Variants in ZMIZ1 observed in about 807,000 individuals in gnomAD.
ZMIZ1 encodes the protein zinc finger MIZ-type containing 1, also known as zinc finger MIZ domain-containing protein 1.
ZMIZ1 carries 17 observed loss-of-function variants against 113.9 expected under a neutral mutation model. That is an observed-to-expected ratio of 0.15 (90% confidence interval 0.10 to 0.22). The LOEUF is 0.22. Among genes scored for constraint, ZMIZ1 ranks in the 10% least tolerant of loss-of-function variants. The pLI is 1.00. For synonymous variants in ZMIZ1, 607 were observed against 603.1 expected (o/e 1.01, Z -0.09); for missense variants, 1,059 against 1,477.8 (o/e 0.72, Z 4.65).
At chr10:79,101,463 A>C (rs1212941718) in intron 1 of ZMIZ1, among the ~76,000 whole-genome samples, 1 of 152,176 alleles carries the variant, frequency 6.6e-6, no homozygotes, top group Non-Finnish European at 1.5e-5. Context: ...TAGGGGCAGC[A>C]AGTCAGCCAG....
At chr10:79,262,281 A>G (rs1435465469) in intron 7 of ZMIZ1, among the ~76,000 whole-genome samples, 1 of 152,164 alleles carries the variant, frequency 6.6e-6, no homozygotes, top group African/African-American at 2.4e-5. Context: ...CGTTGGCTCC[A>G]CCCCAGACCC....
chr10:79,311,294 T>TGGGGGGGGGG, intron 24 of ZMIZ1, 110 bp downstream of exon 24: 12 of 99,144 alleles, frequency 1.2e-4, no homozygotes, highest in East Asian at 7.6e-4. Context: ...AGGAGGTGGG[T>TGGGGGGGGGG]GGGCGGTGGG....
intron 1 of ZMIZ1, among the ~76,000 whole-genome samples, chr10:79,087,240 GA>G (rs2132211376): frequency 6.6e-6 from 1 of 152,324 alleles, no homozygotes; most frequent in African/African-American, 2.4e-5. Flanking sequence ...TGTATTAGAT[GA>G]TTTTTTGGCA....
chr10:79,215,988 C>T (rs1319417370), intron 6 of ZMIZ1, among the ~76,000 whole-genome samples, 181 bp from the exon 7 acceptor site: 1 of 152,140 alleles, frequency 6.6e-6, no homozygotes, highest in Non-Finnish European at 1.5e-5. Context: ...GGGCCTGGCA[C>T]GGAAGAGGTG....
At chr10:79,235,461 A>G (rs1430264400) in intron 7 of ZMIZ1, among the ~76,000 whole-genome samples, 1 of 152,180 alleles carries the variant, frequency 6.6e-6, no homozygotes, top group African/African-American at 2.4e-5. Context: ...ACCCTACAGC[A>G]GGCCTCAGAA....
chr10:79,077,114 G>A (rs1279187516), intron 1 of ZMIZ1, among the ~76,000 whole-genome samples: 1 of 152,154 alleles, frequency 6.6e-6, no homozygotes, highest in Non-Finnish European at 1.5e-5. Flanking sequence ...CAGCCTAGGT[G>A]AGAGCACACT....
At chr10:79,160,159 G>A (rs1255203061) in intron 3 of ZMIZ1, among the ~76,000 whole-genome samples, 3 of 152,268 alleles carry the variant, frequency 2.0e-5, no homozygotes, top group Non-Finnish European at 4.4e-5. Flanking sequence ...GACCCCAGAT[G>A]AGGGCAAACG....
intron 3 of ZMIZ1, among the ~76,000 whole-genome samples, chr10:79,156,977 G>A (rs556831982): frequency 4.0e-5 from 6 of 150,040 alleles, no homozygotes; most frequent in East Asian, 1.9e-4. Context: ...TTATGCAAGC[G>A]AAAAGAAACA....
intron 2 of ZMIZ1, among the ~76,000 whole-genome samples, chr10:79,124,220 G>A (rs576781857): frequency 6.6e-6 from 1 of 152,304 alleles, no homozygotes; most frequent in South Asian, 2.1e-4. Context: ...CCCTCTCTGA[G>A]CAGCTGTTTA....
intron 7 of ZMIZ1, among the ~76,000 whole-genome samples, chr10:79,263,718 A>G (rs1045959538): frequency 3.3e-5 from 5 of 151,952 alleles, no homozygotes; most frequent in Non-Finnish European, 7.4e-5. Context: ...TTGGACACTA[A>G]GGGTTGAGGT....
At chr10:79,093,753 T>TA (rs1843071149) in intron 1 of ZMIZ1, among the ~76,000 whole-genome samples, 1 of 152,200 alleles carries the variant, frequency 6.6e-6, no homozygotes, top group Non-Finnish European at 1.5e-5. Flanking sequence ...CCCACTACCC[T>TA]ATGCACACCC....
chr10:79,148,074 A>G (rs1470672336), intron 3 of ZMIZ1, among the ~76,000 whole-genome samples: 1 of 152,180 alleles, frequency 6.6e-6, no homozygotes, highest in Non-Finnish European at 1.5e-5. Context: ...TTTTGGGGCC[A>G]TGCTTCTGAG....
chr10:79,083,132 G>GC (rs1296003873), intron 1 of ZMIZ1, among the ~76,000 whole-genome samples: 5 of 152,252 alleles, frequency 3.3e-5, no homozygotes, highest in African/African-American at 1.2e-4. Context: ...ATGACATCAT[G>GC]CCTGAGTTAT....
intron 1 of ZMIZ1, among the ~76,000 whole-genome samples, chr10:79,074,686 A>G (rs1283059877): frequency 2.0e-5 from 3 of 152,184 alleles, no homozygotes; most frequent in Admixed American, 1.3e-4. Context: ...TGGGGCACCC[A>G]CTCCGTGTGA....
intron 4 of ZMIZ1, among the ~76,000 whole-genome samples, chr10:79,176,205 T>C (rs1846860741): frequency 6.6e-6 from 1 of 152,036 alleles, no homozygotes; most frequent in South Asian, 2.1e-4. Flanking sequence ...ATGTCATTAA[T>C]ATATGGCTAG....
chr10:79,094,856 A>G (rs913356092), intron 1 of ZMIZ1, among the ~76,000 whole-genome samples: 1 of 152,028 alleles, frequency 6.6e-6, no homozygotes, highest in African/African-American at 2.4e-5. Flanking sequence ...GGCTGAGATG[A>G]GAAGATTGCT....
intron 4 of ZMIZ1, among the ~76,000 whole-genome samples, chr10:79,199,844 C>G (rs1847996508): frequency 6.6e-6 from 1 of 152,200 alleles, no homozygotes; most frequent in Admixed American, 6.5e-5. Flanking sequence ...GCACCAAGAG[C>G]TACACATCCT....
At chr10:79,253,953 T>C (rs536107905) in intron 7 of ZMIZ1, among the ~76,000 whole-genome samples, 19 of 152,276 alleles carry the variant, frequency 1.2e-4, no homozygotes, top group African/African-American at 4.6e-4. Flanking sequence ...CACCCCACCC[T>C]TGGGGTTTTC....
chr10:79,113,807 T>C (rs147792525), intron 1 of ZMIZ1, among the ~76,000 whole-genome samples: 74 of 152,106 alleles, frequency 4.9e-4, no homozygotes, highest in African/African-American at 1.8e-3. Flanking sequence ...TCTCCATTGA[T>C]GGCTCCTATC....
Sources: allele counts gnomAD v4.1 joint callset (sites outside exome capture counted in the v4.1 genomes callset), GRCh38; gene constraint gnomAD v4.1.1; transcripts MANE v1.5; gene names NCBI Gene and HGNC (gene_info 2026-07-23, HGNC 2026-07-21).